TERB2: variants seen among roughly 807,000 people sequenced by gnomAD.
TERB2 encodes telomere repeats-binding bouquet formation protein 2.
Under a neutral mutation model 29.8 loss-of-function variants are expected in TERB2, and 26 were observed. The ratio of observed to expected loss-of-function variants is 0.87; its 90% CI spans 0.64 to 1.21. TERB2 has a LOEUF of 1.21. Ranked by LOEUF, TERB2 falls within the 50% of genes most tolerant of loss-of-function variation. The probability of loss-of-function intolerance (pLI) is 0.00; values close to 1 mark genes in which losing one functional copy is unlikely to be tolerated. For missense variants in TERB2, 240 were observed against 268.6 expected (o/e 0.89, Z 0.74); for synonymous variants, 80 against 90.8 (o/e 0.88, Z 0.68).
At chr15:44,963,443 C>T (rs1466595246) in intron 4 of TERB2, among the ~76,000 whole-genome samples, 1 of 152,054 alleles carries the variant, frequency 6.6e-6, no homozygotes, top group Non-Finnish European at 1.5e-5. Context: ...GACCTGGACT[C>T]TAACATCAGT....
intron 4 of TERB2, among the ~76,000 whole-genome samples, chr15:44,965,360 C>T (rs1455073681): frequency 8.8e-5 from 13 of 147,084 alleles, no homozygotes; most frequent in Admixed American, 8.2e-4. Context: ...AAATACTTCA[C>T]TGTCCTTTTG....
At chr15:44,974,869 G>C (rs1416312195) in intron 6 of TERB2, among the ~76,000 whole-genome samples, 2 of 151,920 alleles carry the variant, frequency 1.3e-5, no homozygotes, top group Non-Finnish European at 2.9e-5. Context: ...TAGATGTCTT[G>C]CCATATTACT....
intron 5 of TERB2, among the ~76,000 whole-genome samples, chr15:44,967,369 G>T (rs1891907197): frequency 6.6e-6 from 1 of 152,196 alleles, no homozygotes; most frequent in Non-Finnish European, 1.5e-5. Flanking sequence ...TCCCAAGCTG[G>T]GGCCAGTTGG....
At chr15:44,967,323 G>C (rs1891906344) in intron 5 of TERB2, among the ~76,000 whole-genome samples, 1 of 152,204 alleles carries the variant, frequency 6.6e-6, no homozygotes, top group African/African-American at 2.4e-5. Flanking sequence ...TAAAAGTGGA[G>C]GCAGGGGAAT....
At chr15:44,960,367 G>A (rs1216102115) in intron 3 of TERB2, among the ~76,000 whole-genome samples, 1 of 152,116 alleles carries the variant, frequency 6.6e-6, no homozygotes, top group Non-Finnish European at 1.5e-5. Context: ...AACTGGGTGA[G>A]GTGGCATGCA....
At chr15:44,957,199 G>A (rs1369937872) in intron 2 of TERB2, among the ~76,000 whole-genome samples, 1 of 149,020 alleles carries the variant, frequency 6.7e-6, no homozygotes, top group Non-Finnish European at 1.5e-5. Context: ...GGGTGACAGA[G>A]CAAGATTCCA....
rs141602460 is a variant in TERB2 at position 44,976,836 on chromosome 15, C to T, written c.524-1653C>T. On this transcript the variant is annotated intron_variant, in intron 6 of 6. Coordinates refer to ENST00000340827, the MANE Select transcript of TERB2 (RefSeq NM_152448.3). The stretch of plus-strand genomic sequence containing the variant: ...TTTGAGAGTGAATGCTGATTTGAAC[C>T]GGGCTAACTGCAGATCTTCTTCTGG... Among the ~76,000 whole-genome samples the T allele has an allele frequency of 3.8e-3, 575 of 152,204 alleles. 1 individual carries two copies. The highest frequency in any genetic ancestry group is 4.9e-3 in the Non-Finnish European group (334 of 68,030).
At position 44,973,775 on chromosome 15, in the gene TERB2, A is replaced by G. The variant is rs187548101; in HGVS notation, c.435-92A>G. On this transcript the variant is annotated intron_variant, in intron 5 of 6. Coordinates refer to ENST00000340827, the MANE Select transcript of TERB2 (RefSeq NM_152448.3). ...GTAAAGGTAATTATGTATTATAAAT[A>G]TTTATTTATAAATATACTTTAATAT... The G allele has an allele frequency of 2.3e-4, 202 of 861,886 alleles. No individual in the cohort carries two copies. In the African/African-American group the frequency reaches 3.1e-3, roughly 13 times the overall value. 53.4% of individuals were successfully genotyped at this position (861,886 alleles called of 1,614,324 possible). A position where few individuals can be genotyped will look rare whatever the true frequency, so the allele number is the denominator to read the frequency against.
chr15:44,957,832 T>G (rs1891742734), intron 2 of TERB2, among the ~76,000 whole-genome samples: 1 of 136,238 alleles, frequency 7.3e-6, no homozygotes, highest in African/African-American at 2.7e-5. Flanking sequence ...GCTGATTTCC[T>G]ACAGATTTAG....
chr15:44,976,078 T>G (rs1424698511), intron 6 of TERB2: 1 of 152,194 alleles, frequency 6.6e-6, no homozygotes, highest in Non-Finnish European at 1.5e-5. Context: ...TTATTTATTA[T>G]AGAGATGAGG....
chr15:44,976,106 G>C (rs1360617007), intron 6 of TERB2: 6 of 152,170 alleles, frequency 3.9e-5, no homozygotes, highest in African/African-American at 1.4e-4. Flanking sequence ...GTGTTGCCCA[G>C]GCTGGTCTCG....
chr15:44,964,323 T>C (rs1181322797), intron 4 of TERB2, among the ~76,000 whole-genome samples: 1 of 152,228 alleles, frequency 6.6e-6, no homozygotes, highest in Non-Finnish European at 1.5e-5. Context: ...GGCATCATCA[T>C]CTGAAAATAA....
chr15:44,958,033 GA>G (rs1244534018), intron 2 of TERB2, among the ~76,000 whole-genome samples: 1 of 152,094 alleles, frequency 6.6e-6, no homozygotes, highest in Non-Finnish European at 1.5e-5. Flanking sequence ...CTCACCTCAG[GA>G]TTAATTGATC....
chr15:44,962,121 C>A (rs1019239582), intron 4 of TERB2, among the ~76,000 whole-genome samples: 1 of 151,368 alleles, frequency 6.6e-6, no homozygotes, highest in Non-Finnish European at 1.5e-5. Context: ...CCATAAGAAA[C>A]TTGAAAATTT....
intron 5 of TERB2, among the ~76,000 whole-genome samples, chr15:44,968,937 T>TGA (rs1201488222): frequency 1.3e-5 from 2 of 151,574 alleles, no homozygotes; most frequent in Non-Finnish European, 2.9e-5. Flanking sequence ...TTTGTGTGTG[T>TGA]GAGAGAGAGA....
chr15:44,965,651 A>G (rs903738005), intron 4 of TERB2, among the ~76,000 whole-genome samples: 3 of 146,238 alleles, frequency 2.1e-5, no homozygotes, highest in African/African-American at 7.5e-5. Context: ...TATATTTTAT[A>G]TCTTTATGTA....
intron 5 of TERB2, among the ~76,000 whole-genome samples, chr15:44,967,047 C>T (rs1044795896): frequency 3.9e-5 from 6 of 152,248 alleles, no homozygotes; most frequent in East Asian, 1.9e-4. Flanking sequence ...CGCAGTGAGC[C>T]GTGATCACGC....
chr15:44,975,570 AG>A (rs1447898822), intron 6 of TERB2, among the ~76,000 whole-genome samples: 1 of 152,168 alleles, frequency 6.6e-6, no homozygotes, highest in African/African-American at 2.4e-5. Flanking sequence ...AGCCTAGAAC[AG>A]GGTTTCTCAG....
chr15:44,966,799 G>A (rs1219980720), intron 5 of TERB2, among the ~76,000 whole-genome samples: 2 of 152,080 alleles, frequency 1.3e-5, no homozygotes, highest in South Asian at 2.1e-4. Context: ...AATATATTAC[G>A]TTGGTTTAAG....
Sources: gnomAD v4.1 joint callset for allele counts (sites outside exome capture counted in the v4.1 genomes callset) on GRCh38, gnomAD v4.1.1 for gene constraint, MANE v1.5 for transcripts, NCBI Gene and HGNC (gene_info 2026-07-23, HGNC 2026-07-21) for gene names.